The following HCN2 variants were observed in gnomAD, a reference collection of about 807,000 sequenced individuals.
HCN2 encodes the protein hyperpolarization activated cyclic nucleotide gated potassium and sodium channel 2.
In HCN2, 20 loss-of-function variants were observed where a neutral mutation model predicts 52.3. That is an observed-to-expected ratio of 0.38 (90% CI 0.27 to 0.56). HCN2 has a LOEUF of 0.56. Ranked by LOEUF, HCN2 falls within the 20% of genes least tolerant of loss-of-function variation. The pLI is 0.71. For missense variants in HCN2, 981 were observed against 1,207.7 expected, an observed-to-expected ratio of 0.81 and a Z score of 2.78; for synonymous variants, 694 against 537.0, an observed-to-expected ratio of 1.29 and a Z score of -4.04.
chr19:595,933 C>T (rs184983870), intron 1 of HCN2, among the ~76,000 whole-genome samples: 203 of 152,294 alleles, frequency 1.3e-3, no homozygotes, highest in African/African-American at 4.6e-3. Context: ...TGGGCTCCTG[C>T]GGGGAGGGCC....
At chr19:593,207 C>A (rs1982922609) in intron 1 of HCN2, among the ~76,000 whole-genome samples, 2 of 152,220 alleles carry the variant, frequency 1.3e-5, no homozygotes, top group Non-Finnish European at 2.9e-5. Context: ...CGTCCCAGTC[C>A]CAGTATACAG....
intron 1 of HCN2, among the ~76,000 whole-genome samples, chr19:598,485 T>C (rs1287597786): frequency 6.6e-6 from 1 of 152,074 alleles, no homozygotes; most frequent in Non-Finnish European, 1.5e-5. Flanking sequence ...TTTGTATTTT[T>C]TGTAGAGACG....
intron 1 of HCN2, among the ~76,000 whole-genome samples, chr19:594,115 G>A (rs1210953968): frequency 6.6e-6 from 1 of 150,944 alleles, no homozygotes; most frequent in Non-Finnish European, 1.5e-5. Flanking sequence ...GGGTGTCTCC[G>A]CAGGAGAGGG....
At chr19:611,295 G>A (rs1418127176) in intron 5 of HCN2, among the ~76,000 whole-genome samples, 1 of 152,238 alleles carries the variant, frequency 6.6e-6, no homozygotes, top group Non-Finnish European at 1.5e-5. Flanking sequence ...CAGGAAGCGG[G>A]GCCTAGGGAT....
At chr19:602,536 C>G (rs1057236262) in intron 1 of HCN2, among the ~76,000 whole-genome samples, 2 of 152,182 alleles carry the variant, frequency 1.3e-5, no homozygotes, top group Non-Finnish European at 2.9e-5. Context: ...CATCTGGGGC[C>G]CTCACCTCCC....
At chr19:614,770 G>A (rs1208748439) in intron 7 of HCN2, among the ~76,000 whole-genome samples, 1 of 152,178 alleles carries the variant, frequency 6.6e-6, no homozygotes, top group African/African-American at 2.4e-5. Context: ...TATCCGCCAA[G>A]GCGGGCCGTG....
At chr19:602,807 A>G (rs1332384009) in intron 1 of HCN2, among the ~76,000 whole-genome samples, 1 of 152,220 alleles carries the variant, frequency 6.6e-6, no homozygotes, top group Non-Finnish European at 1.5e-5. Context: ...CTTCAAGGAC[A>G]CGGGGTCAAA....
intron 5 of HCN2, 114 bp from the exon 6 acceptor site, chr19:613,134 C>T (rs1295864327): frequency 8.0e-6 from 11 of 1,373,220 alleles, no homozygotes; most frequent in Non-Finnish European, 8.8e-6. Flanking sequence ...GGGGCTGAGC[C>T]CGTCTCTCAG....
Position 591,805 on chromosome 19 carries a change from G to C in HCN2, c.632+1228G>C, listed in dbSNP as rs146703797. ...CGGAACTGGGCAGGGAGGCTGTGGG[G>C]TTCTCTCTTCCCCTGGATTCTCTGC... On this transcript the variant is annotated intron_variant, in intron 1 of 7. Transcript: ENST00000251287. This position sits in a 1 kb window ranked among gnomAD's most constrained non-coding sequence, Gnocchi z 4.1. Among the ~76,000 whole-genome samples, 1,714 of 152,286 alleles carry C rather than the reference G, an allele frequency of 0.011. 12 individuals are homozygous for C. Among genetic ancestry groups the C allele is most frequent in the Non-Finnish European group, 0.019 (1,274 of 68,012 alleles).
rs1301914026 is a variant in HCN2 at position 616,226 on chromosome 19, C to G, written c.2422C>G (p.Leu808Val). Residue 808 changes from leucine (L) to valine (V), a missense_variant, in exon 8 of 8, where the codon CTG becomes GTG. Leu to Val is a conservative substitution (Grantham distance 32). Transcript: ENST00000251287. The stretch of plus-strand genomic sequence containing the variant: ...CGCCGCCCCCCTTGCTGGGCCCGCC[C>G]TGCCCGCGCGCCGCCTGAGCCGCGC... ...LPAAPLAGPA[L>V]PARRLSRASR... The G allele has an allele frequency of 1.0e-6, 1 of 993,304 alleles. No individual in the cohort carries two copies. The highest frequency in any genetic ancestry group is 1.8e-5 in the African/African-American group (1 of 56,906). The allele number at this position is 993,304 out of a possible 1,614,324, so 61.5% of individuals were successfully genotyped here. A position where few individuals can be genotyped will look rare whatever the true frequency, so the allele number is the denominator to read the frequency against.
rs551402478 is a variant in HCN2 at position 610,921 on chromosome 19, C to T, written c.1584+516C>T. 4.3e-4 allele frequency among the ~76,000 whole-genome samples: 66 copies of T among 152,316 alleles called. No homozygotes were observed. The South Asian group carries it at 0.012, about 29-fold the overall frequency. On this transcript the variant is annotated intron_variant, in intron 5 of 7. Coordinates refer to ENST00000251287, the MANE Select transcript of HCN2 (RefSeq NM_001194.4). ...CGTGGGCCGGGCCGTGCTACCCCCCCGGAGCCCCTGGGGAGGATCCTTCCT... is the reference window on the plus strand; with the variant it reads ...CGTGGGCCGGGCCGTGCTACCCCCCTGGAGCCCCTGGGGAGGATCCTTCCT...
chr19:610,203 T>G (rs1433624193), intron 4 of HCN2, 56 bp from the exon 5 acceptor site: 1 of 1,557,788 alleles, frequency 6.4e-7, no homozygotes, highest in Non-Finnish European at 8.7e-7. Flanking sequence ...CAGGTGCCCC[T>G]GTGCCCGCTG....
Position 615,850 on chromosome 19 carries a change from A to G in HCN2, c.2046A>G (p.Val682=). The change falls in exon 8 of 8, where the codon GTA becomes GTG. Residue 682 remains valine, a synonymous_variant. Coordinates refer to ENST00000251287, the MANE Select transcript of HCN2 (RefSeq NM_001194.4). ...TGCAGCATGACCTCAACTCGGGCGT[A>G]TTCAACAACCAGGAGAACGCCATCA... ...HKVQHDLNSG[V]FNNQENAIIQ... is the part of the protein sequence containing the mutation. The G allele has an allele frequency of 6.2e-7, 1 of 1,613,120 alleles. No individual in the cohort carries two copies. The highest frequency in any genetic ancestry group is 1.1e-5 in the South Asian group (1 of 91,038).
intron 5 of HCN2, among the ~76,000 whole-genome samples, chr19:612,218 G>A (rs374989551): frequency 3.9e-5 from 6 of 152,186 alleles, no homozygotes; most frequent in East Asian, 3.9e-4. Flanking sequence ...TAAAGGGAAC[G>A]TGGTGTAACC....
intron 4 of HCN2, among the ~76,000 whole-genome samples, chr19:609,681 C>G (rs990032818): frequency 4.0e-5 from 6 of 151,708 alleles, no homozygotes; most frequent in African/African-American, 1.5e-4. Flanking sequence ...TGGGAGGATC[C>G]CTTGAGCCCA....
At position 617,093 on chromosome 19, in the gene HCN2, T is replaced by G; in HGVS notation, c.*619T>G. Reference sequence around the variant, plus strand: ...AGCCGAGGCAGCAGTGCCCCCACCGTGGCCCCCCACGCCCCATTAACCCCC... The same window carrying G: ...AGCCGAGGCAGCAGTGCCCCCACCGGGGCCCCCCACGCCCCATTAACCCCC... On this transcript the variant is annotated 3_prime_UTR_variant, in exon 8 of 8. Transcript: ENST00000251287. The G allele has an allele frequency of 5.5e-6, 3 of 549,150 alleles. No individual in the cohort carries two copies. The highest frequency in any genetic ancestry group is 6.5e-6 in the Non-Finnish European group (2 of 305,832). The allele number at this position is 549,150 out of a possible 1,614,324, so 34.0% of individuals were successfully genotyped here.
chr19:598,574 G>A (rs1216771800), intron 1 of HCN2, among the ~76,000 whole-genome samples: 1 of 151,994 alleles, frequency 6.6e-6, no homozygotes, highest in Non-Finnish European at 1.5e-5. Flanking sequence ...CCAAGGTGCT[G>A]GCATTAGAAG....
At chr19:598,966 G>A (rs1302441840) in intron 1 of HCN2, among the ~76,000 whole-genome samples, 4 of 152,030 alleles carry the variant, frequency 2.6e-5, no homozygotes, top group Admixed American at 6.6e-5. Flanking sequence ...GGGGTGTCCC[G>A]AAGGCTCAGC....
intron 1 of HCN2, among the ~76,000 whole-genome samples, chr19:599,592 A>G (rs1983137083): frequency 6.6e-6 from 1 of 151,818 alleles, no homozygotes; most frequent in South Asian, 2.1e-4. Context: ...ATCCTGGCTA[A>G]CATGGTGAAA....
Sources: allele counts gnomAD v4.1 joint callset (sites outside exome capture counted in the v4.1 genomes callset), GRCh38; gene constraint gnomAD v4.1.1; non-coding constraint Gnocchi (gnomAD v3.1); transcripts MANE v1.5; gene names NCBI Gene and HGNC (gene_info 2026-07-23, HGNC 2026-07-21).